Variants in FBXL7 observed in about 807,000 individuals in gnomAD.
FBXL7 encodes the protein F-box/LRR-repeat protein 7.
A neutral mutation model predicts 38.3 loss-of-function variants in FBXL7; 12 were observed. The observed-to-expected ratio is 0.31, with a 90% confidence interval of 0.20 to 0.51. FBXL7 has a LOEUF of 0.51. Among genes scored for constraint, FBXL7 ranks in the 20% least tolerant of loss-of-function variants. The pLI is 0.98. For synonymous variants in FBXL7, 297 were observed against 300.9 expected, an observed-to-expected ratio of 0.99 and a Z score of 0.13; for missense variants, 567 against 676.4, an observed-to-expected ratio of 0.84 and a Z score of 1.79.
chr5:15,658,234 C>G (rs2126580311), intron 2 of FBXL7, among the ~76,000 whole-genome samples: 1 of 152,266 alleles, frequency 6.6e-6, no homozygotes. Flanking sequence ...CTCCTTGAAA[C>G]TTTTGCCATC....
chr5:15,629,549 C>A (rs1481136702), intron 2 of FBXL7, among the ~76,000 whole-genome samples: 1 of 152,138 alleles, frequency 6.6e-6, no homozygotes. Flanking sequence ...ACCAGACCTG[C>A]AAATATGCCC....
At position 15,917,021 on chromosome 5, in the gene FBXL7, A is replaced by G. The variant is rs1741601709; in HGVS notation, c.128-10869A>G. On this transcript the variant is annotated intron_variant, in intron 2 of 3. Transcript: ENST00000504595. ...CCTAAATACTCTGTGAAGTGGGTAG[A>G]CTTATTTCCAGTTTACGTAAGAGGA... 3.3e-5 allele frequency among the ~76,000 whole-genome samples: 5 copies of G among 152,184 alleles called. No individual in the cohort carries two copies. In the South Asian group the frequency reaches 1.0e-3, roughly 32 times the overall value.
At chr5:15,635,030 A>AT (rs34825589) in intron 2 of FBXL7, among the ~76,000 whole-genome samples, 82 of 149,704 alleles carry the variant, frequency 5.5e-4, no homozygotes, top group African/African-American at 1.4e-3. Context: ...AATGTGGACA[A>AT]TTTTTTTTTT....
chr5:15,649,765 T>G (rs1382932745), intron 2 of FBXL7, among the ~76,000 whole-genome samples: 1 of 152,136 alleles, frequency 6.6e-6, no homozygotes, highest in Non-Finnish European at 1.5e-5. Flanking sequence ...TGTTTTCACT[T>G]GTTCATTGCT....
chr5:15,631,191 C>T (rs1740986461), intron 2 of FBXL7, among the ~76,000 whole-genome samples: 1 of 152,058 alleles, frequency 6.6e-6, no homozygotes, highest in Non-Finnish European at 1.5e-5. Context: ...AATAATAAAT[C>T]CAACATCTCT....
At chr5:15,797,920 C>G (rs530632668) in intron 2 of FBXL7, among the ~76,000 whole-genome samples, 1 of 152,288 alleles carries the variant, frequency 6.6e-6, no homozygotes, top group African/African-American at 2.4e-5. Context: ...TAGATTTGCC[C>G]AGACCTTTCA....
chr5:15,771,900 T>G (rs1736737511), intron 2 of FBXL7, among the ~76,000 whole-genome samples: 1 of 151,350 alleles, frequency 6.6e-6, no homozygotes, highest in Non-Finnish European at 1.5e-5. Context: ...CTCAAGTAGC[T>G]GGTATTACAG....
chr5:15,645,865 A>T (rs115085448), intron 2 of FBXL7, among the ~76,000 whole-genome samples: 7 of 152,232 alleles, frequency 4.6e-5, no homozygotes, highest in Non-Finnish European at 1.0e-4. Context: ...GAAAACGACA[A>T]TGTTGTTGCC....
Position 15,803,890 on chromosome 5 carries a change from G to A in FBXL7, c.128-124000G>A, listed in dbSNP as rs1308270677. ...ATACCTGAGAACCACCATGTTTGAGGGACAGGCCCTGGCATTCCATGGCTG... is the reference window on the plus strand; with the variant it reads ...ATACCTGAGAACCACCATGTTTGAGAGACAGGCCCTGGCATTCCATGGCTG... On this transcript the variant is annotated intron_variant, in intron 2 of 3. Coordinates refer to ENST00000504595, the MANE Select transcript of FBXL7 (RefSeq NM_012304.5). Among the ~76,000 whole-genome samples the A allele has an allele frequency of 7.2e-5, 11 of 152,222 alleles. No homozygotes were observed. The East Asian group carries it at 2.1e-3, about 29-fold the overall frequency.
At chr5:15,601,850 T>C (rs1561046100) in intron 1 of FBXL7, among the ~76,000 whole-genome samples, 1 of 152,226 alleles carries the variant, frequency 6.6e-6, no homozygotes, top group Non-Finnish European at 1.5e-5. Flanking sequence ...CACCCCACAA[T>C]GTATGTCCCT....
intron 2 of FBXL7, among the ~76,000 whole-genome samples, chr5:15,763,335 A>G (rs1736497636): frequency 6.6e-6 from 1 of 152,212 alleles, no homozygotes; most frequent in Non-Finnish European, 1.5e-5. Flanking sequence ...TGTGTAATAT[A>G]TGGTAGACGT....
chr5:15,650,020 G>C (rs761554079), intron 2 of FBXL7, among the ~76,000 whole-genome samples: 1 of 152,152 alleles, frequency 6.6e-6, no homozygotes, highest in Non-Finnish European at 1.5e-5. Context: ...TCCCAGTCCT[G>C]TAATAGAGCC....
chr5:15,826,660 C>T (rs972647021), intron 2 of FBXL7, among the ~76,000 whole-genome samples: 4 of 152,116 alleles, frequency 2.6e-5, no homozygotes, highest in Non-Finnish European at 4.4e-5. Context: ...CTCAAGTGAT[C>T]TGCCCACCTC....
At chr5:15,539,901 G>T (rs1299678048) in intron 1 of FBXL7, among the ~76,000 whole-genome samples, 2 of 152,002 alleles carry the variant, frequency 1.3e-5, no homozygotes, top group African/African-American at 4.8e-5. Context: ...AAAATACAAA[G>T]TTGGGCGAAA....
chr5:15,734,742 G>A (rs541921747), intron 2 of FBXL7, among the ~76,000 whole-genome samples: 14 of 152,354 alleles, frequency 9.2e-5, no homozygotes, highest in Non-Finnish European at 8.8e-5. Context: ...GAAAAGGAAA[G>A]AGCGTTTCAC....
At chr5:15,700,102 C>T (rs2126631932) in intron 2 of FBXL7, among the ~76,000 whole-genome samples, 1 of 152,232 alleles carries the variant, frequency 6.6e-6, no homozygotes, top group East Asian at 1.9e-4. Flanking sequence ...TTTGATTTTT[C>T]CACCATTTTA....
At chr5:15,888,103 T>A (rs1433707070) in intron 2 of FBXL7, among the ~76,000 whole-genome samples, 1 of 152,214 alleles carries the variant, frequency 6.6e-6, no homozygotes, top group African/African-American at 2.4e-5. Flanking sequence ...AACTAATTCA[T>A]ATTGCACTAT....
At chr5:15,742,089 T>C (rs1735907352) in intron 2 of FBXL7, among the ~76,000 whole-genome samples, 1 of 152,190 alleles carries the variant, frequency 6.6e-6, no homozygotes, top group African/African-American at 2.4e-5. Context: ...ATGGACACTT[T>C]TGGCTGTTTT....
In FBXL7 at chr5:15,775,384, T is replaced by TACAC. The variant is rs61058450; in HGVS notation, c.128-152490_128-152487dup. ...CACTGTCTACTCCTACCCCACCATATACACACACACACACACACAAATACC... is the reference window on the plus strand; with the variant it reads ...CACTGTCTACTCCTACCCCACCATATACACACACACACACACACACACAAATACC... On this transcript the variant is annotated intron_variant, in intron 2 of 3. Coordinates refer to ENST00000504595, the MANE Select transcript of FBXL7 (RefSeq NM_012304.5). Among the ~76,000 whole-genome samples the TACAC allele has an allele frequency of 5.2e-3, 789 of 150,786 alleles. 7 individuals carry two copies. The highest frequency in any genetic ancestry group is 0.018 in the African/African-American group (720 of 41,108).
Sources: allele counts gnomAD v4.1 joint callset (sites outside exome capture counted in the v4.1 genomes callset), GRCh38; gene constraint gnomAD v4.1.1; transcripts MANE v1.5; gene names NCBI Gene and HGNC (gene_info 2026-07-23, HGNC 2026-07-21).